FBN1: variants seen among roughly 807,000 people sequenced by gnomAD.
FBN1 encodes fibrillin-1.
FBN1 carries 29 observed loss-of-function variants against 365.1 expected under a neutral mutation model. That is an observed-to-expected ratio of 0.08 (90% CI 0.06 to 0.11). The LOEUF (loss-of-function observed/expected upper bound fraction) is 0.11. Ranked by LOEUF, FBN1 falls within the 10% of genes least tolerant of loss-of-function variation. The pLI, the probability that FBN1 is intolerant of heterozygous loss-of-function variation, is 1.00. For missense variants in FBN1, 2,476 were observed against 3,703.2 expected (o/e 0.67, Z 8.60); for synonymous variants, 1,210 against 1,270.5 (o/e 0.95, Z 1.01).
intron 6 of FBN1, among the ~76,000 whole-genome samples, chr15:48,549,798 G>T (rs1485513598): frequency 7.5e-6 from 1 of 134,102 alleles, no homozygotes; most frequent in Non-Finnish European, 1.6e-5. Context: ...TCAAAGAAAA[G>T]AAAAAAAAAA....
chr15:48,411,438 A>G, intron 65 of FBN1, 59 bp from the exon 66 acceptor site: 1 of 1,518,990 alleles, frequency 6.6e-7, no homozygotes, highest in Non-Finnish European at 9.1e-7. Context: ...TAGCTCTCAT[A>G]TTAAAGAAAA....
chr15:48,530,326 T>C (rs1163820138), intron 8 of FBN1, among the ~76,000 whole-genome samples: 1,766 of 92,638 alleles, frequency 0.019, no homozygotes, highest in Middle Eastern at 0.14. Flanking sequence ...GAATTCTTAT[T>C]CATGCTGCAT....
intron 65 of FBN1, among the ~76,000 whole-genome samples, chr15:48,412,167 C>T (rs537059922): frequency 3.3e-5 from 5 of 152,344 alleles, no homozygotes; most frequent in East Asian, 1.9e-4. Context: ...AGTTCCCTCA[C>T]ACTCCACATG....
chr15:48,538,569 C>G (rs889281858), intron 6 of FBN1, among the ~76,000 whole-genome samples: 1 of 151,618 alleles, frequency 6.6e-6, no homozygotes, highest in Non-Finnish European at 1.5e-5. Context: ...CTACCACCAG[C>G]TATAAGATCT....
chr15:48,479,284 G>A (rs1456153903), intron 32 of FBN1, among the ~76,000 whole-genome samples: 1 of 152,192 alleles, frequency 6.6e-6, no homozygotes, highest in Non-Finnish European at 1.5e-5. Context: ...CAAACTTACT[G>A]TTTGGTTAAG....
At position 48,477,150 on chromosome 15, in the gene FBN1, A is replaced by G. The variant is rs1051959674; in HGVS notation, c.3965-2500T>C. On this transcript the variant is annotated intron_variant, in intron 32 of 65. Coordinates refer to ENST00000316623, the MANE Select transcript of FBN1 (RefSeq NM_000138.5). ...GTACTCTTATTTTATGAGTATTATC[A>G]TTTTCATATGGCTTTTACCTTCCAT... Among the ~76,000 whole-genome samples the G allele has an allele frequency of 2.6e-5, 4 of 152,134 alleles. No individual in the cohort carries two copies. The South Asian group carries it at 8.3e-4, about 32-fold the overall frequency.
chr15:48,474,743 A>T, intron 32 of FBN1, 93 bp from the exon 33 acceptor site: 1 of 1,529,822 alleles, frequency 6.5e-7, no homozygotes, highest in Admixed American at 1.7e-5. Flanking sequence ...CTTGCCTTCA[A>T]ACTTCCCATG....
intron 49 of FBN1, among the ~76,000 whole-genome samples, chr15:48,443,710 C>T (rs886405365): frequency 2.0e-5 from 3 of 152,106 alleles, no homozygotes; most frequent in African/African-American, 4.8e-5. Flanking sequence ...CCTTTCAACC[C>T]TACTTATTTA....
intron 2 of FBN1, among the ~76,000 whole-genome samples, chr15:48,634,770 A>G (rs1274231182): frequency 6.6e-6 from 1 of 151,436 alleles, no homozygotes. Context: ...ATGATGAAGA[A>G]AAAGAAGAAA....
chr15:48,478,014 C>G (rs564713683), intron 32 of FBN1, among the ~76,000 whole-genome samples: 4 of 152,150 alleles, frequency 2.6e-5, no homozygotes, highest in African/African-American at 9.7e-5. Context: ...CTTACAGTCA[C>G]GCAGGGAGAG....
rs543892241 is a variant in FBN1 at position 48,637,829 on chromosome 15, G to A, written c.164+6777C>T. Among the ~76,000 whole-genome samples the A allele has an allele frequency of 3.3e-5, 5 of 152,256 alleles. No homozygotes were observed. In the South Asian group the frequency reaches 1.0e-3, roughly 32 times the overall value. ...GTCACTTTTTATCACGTAGATCAGA[G>A]GTTGTTAAACTTTTTCTGTAAAGGA... is the stretch of plus-strand genomic sequence containing the variant. On this transcript the variant is annotated intron_variant, in intron 2 of 65. Coordinates refer to ENST00000316623, the MANE Select transcript of FBN1 (RefSeq NM_000138.5).
intron 2 of FBN1, among the ~76,000 whole-genome samples, chr15:48,639,578 T>C (rs1042477863): frequency 6.6e-6 from 1 of 152,184 alleles, no homozygotes; most frequent in African/African-American, 2.4e-5. Flanking sequence ...ATTAATGAAC[T>C]TTCTGAAACC....
chr15:48,513,174 T>G (rs923940101), intron 13 of FBN1, among the ~76,000 whole-genome samples: 1 of 152,222 alleles, frequency 6.6e-6, no homozygotes, highest in Non-Finnish European at 1.5e-5. Flanking sequence ...TCCCTATCTT[T>G]TAGAACTTTC....
chr15:48,615,863 G>C (rs1185820812), intron 2 of FBN1, among the ~76,000 whole-genome samples: 2 of 152,162 alleles, frequency 1.3e-5, no homozygotes, highest in Non-Finnish European at 2.9e-5. Flanking sequence ...GTACAAACAT[G>C]GTAGATGGTG....
At chr15:48,432,657 T>C (rs932123631) in intron 55 of FBN1, among the ~76,000 whole-genome samples, 1 of 152,182 alleles carries the variant, frequency 6.6e-6, no homozygotes, top group Admixed American at 6.5e-5. Flanking sequence ...TGAGACCTAA[T>C]AAAGGATGTG....
intron 48 of FBN1, among the ~76,000 whole-genome samples, chr15:48,445,077 C>A (rs2043142907): frequency 6.8e-6 from 1 of 146,766 alleles, no homozygotes; most frequent in Non-Finnish European, 1.5e-5. Flanking sequence ...AGTACAATAG[C>A]TTAATTTTTA....
rs531454879 is a variant in FBN1, at chr15:48,503,920, T to C, written c.1980A>G (p.Thr660=). Residue 660 remains threonine (T), a synonymous_variant, in exon 17 of 66, where the codon ACA becomes ACG. Transcript: ENST00000316623. ...GGCCTCTCTTGTATCCACCATAGCA[T>C]GTGCTCCGCATGTGTGTGTCTAAAC... The part of the protein sequence containing the change: ...RVCVDTHMRS[T]CYGGYKRGQC... 2 of 1,614,206 alleles carry C rather than the reference T, an allele frequency of 1.2e-6. No homozygotes were observed. The highest frequency in any genetic ancestry group is 1.7e-5 in the Admixed American group (1 of 60,030).
chr15:48,616,494 GAAAT>G (rs1889656509), intron 2 of FBN1, among the ~76,000 whole-genome samples: 1 of 152,146 alleles, frequency 6.6e-6, no homozygotes, highest in Admixed American at 6.5e-5. Context: ...TCTAATTCTG[GAAAT>G]AAATGAATGT....
chr15:48,616,045 A>C (rs1324545976), intron 2 of FBN1, among the ~76,000 whole-genome samples: 1 of 152,232 alleles, frequency 6.6e-6, no homozygotes, highest in Non-Finnish European at 1.5e-5. Context: ...TAAAGCAATA[A>C]CTAGACTTTC....
Sources: gnomAD v4.1 joint callset for allele counts (sites outside exome capture counted in the v4.1 genomes callset) on GRCh38, gnomAD v4.1.1 for gene constraint, MANE v1.5 for transcripts, NCBI Gene and HGNC (gene_info 2026-07-23, HGNC 2026-07-21) for gene names.